BICRAL: variants seen among roughly 807,000 people sequenced by gnomAD.
The protein encoded by BICRAL is BRD4-interacting chromatin-remodeling complex-associated protein-like.
BICRAL carries 8 observed loss-of-function variants against 91.8 expected under a neutral mutation model. The ratio of observed to expected loss-of-function variants is 0.09; its 90% confidence interval spans 0.05 to 0.16. The LOEUF (loss-of-function observed/expected upper bound fraction) is 0.16. BICRAL is among the 10% of genes least tolerant of loss of function. The pLI, the probability that BICRAL is intolerant of heterozygous loss-of-function variation, is 1.00. For synonymous variants in BICRAL, 445 were observed against 491.1 expected (o/e 0.91, Z 1.24); for missense variants, 1,038 against 1,310.9 (o/e 0.79, Z 3.21).
intron 2 of BICRAL, among the ~76,000 whole-genome samples, chr6:42,820,898 G>C (rs139544154): frequency 9.6e-4 from 146 of 152,326 alleles, no homozygotes; most frequent in African/African-American, 3.4e-3. Context: ...AGGAAAGCAA[G>C]TTACCTTCCA....
intron 5 of BICRAL, among the ~76,000 whole-genome samples, chr6:42,827,743 G>C (rs984068223): frequency 6.6e-6 from 1 of 152,054 alleles, no homozygotes; most frequent in Non-Finnish European, 1.5e-5. Flanking sequence ...AATTTAACTC[G>C]GTGTGGTGGG....
At chr6:42,775,035 C>T (rs546573734) in intron 1 of BICRAL, among the ~76,000 whole-genome samples, 6 of 152,072 alleles carry the variant, frequency 3.9e-5, no homozygotes, top group African/African-American at 7.2e-5. Context: ...CAGGTTCAAG[C>T]GATTCTCCTG....
chr6:42,796,193 A>G (rs1460264338), intron 1 of BICRAL, among the ~76,000 whole-genome samples: 3 of 152,244 alleles, frequency 2.0e-5, no homozygotes, highest in African/African-American at 7.2e-5. Context: ...TAGACTTTGT[A>G]GTATGTTATG....
intron 6 of BICRAL, among the ~76,000 whole-genome samples, chr6:42,851,689 C>T (rs551397834): frequency 6.6e-6 from 1 of 152,272 alleles, no homozygotes; most frequent in South Asian, 2.1e-4. Flanking sequence ...GGTCCCTGAC[C>T]AGGTGCTTGG....
At chr6:42,841,311 C>T (rs1764792242) in intron 6 of BICRAL, among the ~76,000 whole-genome samples, 3 of 150,852 alleles carry the variant, frequency 2.0e-5, no homozygotes, top group South Asian at 2.1e-4. Context: ...GCCTCAGCCT[C>T]CTGAGTAGCT....
chr6:42,770,408 TA>T (rs1270777689), intron 1 of BICRAL, among the ~76,000 whole-genome samples: 20 of 133,256 alleles, frequency 1.5e-4, no homozygotes, highest in South Asian at 9.3e-4. Context: ...TTATTATTAT[TA>T]TTATTTTTTT....
At chr6:42,796,776 A>G (rs2150913) in intron 1 of BICRAL, among the ~76,000 whole-genome samples, 72,349 of 151,806 alleles carry the variant, frequency 0.48, 18,915 homozygotes, top group African/African-American at 0.7. Flanking sequence ...GGCCGGGTGC[A>G]GTGCTCACAC....
At chr6:42,761,769 C>T (rs138889444) in intron 1 of BICRAL, among the ~76,000 whole-genome samples, 274 of 151,828 alleles carry the variant, frequency 1.8e-3, no homozygotes, top group African/African-American at 6.4e-3. Flanking sequence ...AAAAAAATAG[C>T]GAGACATGGT....
At chr6:42,794,411 CTGTGTGTGTGTGTG>C (rs67384767) in intron 1 of BICRAL, among the ~76,000 whole-genome samples, 3,435 of 146,482 alleles carry the variant, frequency 0.023, 63 homozygotes, top group African/African-American at 0.046. Context: ...TTCACTTACT[CTGTGTGTGTGTGTG>C]TGTGTGTGTG....
chr6:42,751,900 GC>G (rs1762387182), intron 1 of BICRAL, among the ~76,000 whole-genome samples: 1 of 151,898 alleles, frequency 6.6e-6, no homozygotes, highest in African/African-American at 2.4e-5. Context: ...CAGATGATCC[GC>G]CCGCCTCAGC....
At chr6:42,774,131 G>A (rs1197738310) in intron 1 of BICRAL, among the ~76,000 whole-genome samples, 1 of 152,160 alleles carries the variant, frequency 6.6e-6, no homozygotes, top group Admixed American at 6.5e-5. Context: ...AACATCCTGT[G>A]CTTTTGAGAG....
intron 2 of BICRAL, among the ~76,000 whole-genome samples, chr6:42,811,810 G>T (rs1339840219): frequency 1.3e-5 from 2 of 152,134 alleles, no homozygotes; most frequent in Admixed American, 1.3e-4. Flanking sequence ...ATAGGGCAGA[G>T]AATAGTTTGT....
upstream of BICRAL, among the ~76,000 whole-genome samples, chr6:42,777,849 C>T (rs969910872): frequency 6.6e-6 from 1 of 151,958 alleles, no homozygotes; most frequent in Non-Finnish European, 1.5e-5. Context: ...TAGGAGTGGC[C>T]ATTTTATTGT....
At chr6:42,788,188 G>T (rs1158506284) in intron 1 of BICRAL, among the ~76,000 whole-genome samples, 1 of 149,878 alleles carries the variant, frequency 6.7e-6, no homozygotes, top group Non-Finnish European at 1.5e-5. Context: ...GACTAATCCA[G>T]AAGAGAGACC....
In BICRAL at chr6:42,831,310, A is replaced by C. The variant is rs77945286; in HGVS notation, c.1839+1138A>C. On this transcript the variant is annotated intron_variant, in intron 6 of 12. Transcript: ENST00000314073. ...GCTGCTTCTTGGTTGCCAACAGGAAAGGCTCAGGGACTCAGTGTGACTCAG... is the reference window on the plus strand; with the variant it reads ...GCTGCTTCTTGGTTGCCAACAGGAACGGCTCAGGGACTCAGTGTGACTCAG... 2.6e-4 allele frequency among the ~76,000 whole-genome samples: 39 copies of C among 152,322 alleles called. No individual in the cohort carries two copies. The East Asian group carries it at 7.5e-3, about 29-fold the overall frequency.
chr6:42,775,563 C>T (rs1197498038), intron 1 of BICRAL, among the ~76,000 whole-genome samples: 7 of 152,168 alleles, frequency 4.6e-5, no homozygotes, highest in Admixed American at 4.6e-4. Context: ...GCATGTGGTG[C>T]CCCCCTAACC....
intron 6 of BICRAL, among the ~76,000 whole-genome samples, chr6:42,831,466 G>A (rs768795210): frequency 5.9e-5 from 9 of 152,158 alleles, no homozygotes; most frequent in Non-Finnish European, 8.8e-5. Context: ...GTGGGCACTT[G>A]GTAAACCACA....
chr6:42,865,688 G>A lies in BICRAL; in HGVS notation c.*242G>A. On this transcript the variant is annotated 3_prime_UTR_variant, in exon 13 of 13. Transcript: ENST00000314073. ...TCCTTGGCAGAAAGCAGTCTGATAG[G>A]CCCCACTCATTTCAAGTGTTATGAA... 2.1e-6 allele frequency: 1 copy of A among 484,670 alleles called. No individual in the cohort carries two copies. The highest frequency in any genetic ancestry group is 3.7e-6 in the Non-Finnish European group (1 of 273,682). The allele number at this position is 484,670 out of a possible 1,614,324, so 30.0% of individuals were successfully genotyped here.
intron 1 of BICRAL, among the ~76,000 whole-genome samples, chr6:42,793,584 T>C (rs1438179750): frequency 1.3e-5 from 2 of 151,828 alleles, no homozygotes; most frequent in Non-Finnish European, 2.9e-5. Context: ...CCACCGCGCC[T>C]GACCAGGTTG....
Sources: allele counts gnomAD v4.1 joint callset (sites outside exome capture counted in the v4.1 genomes callset), GRCh38; gene constraint gnomAD v4.1.1; transcripts MANE v1.5; gene names NCBI Gene and HGNC (gene_info 2026-07-23, HGNC 2026-07-21).